Variants in TOM1L1 observed in about 807,000 individuals in gnomAD.
The protein encoded by TOM1L1 is target of myb1 like 1 membrane trafficking protein.
TOM1L1 carries 64 observed loss-of-function variants against 63.4 expected under a neutral mutation model. The ratio of observed to expected loss-of-function variants is 1.01; its 90% CI spans 0.83 to 1.24. The LOEUF (loss-of-function observed/expected upper bound fraction) is 1.24. Among genes scored for constraint, TOM1L1 ranks in the 50% most tolerant of loss-of-function variants. The pLI is 0.00. For synonymous variants in TOM1L1, 166 were observed against 194.4 expected (o/e 0.85, Z 1.22); for missense variants, 536 against 567.0 (o/e 0.95, Z 0.55).
At chr17:54,911,108 C>T (rs1014408636) in intron 3 of TOM1L1, among the ~76,000 whole-genome samples, 2 of 152,172 alleles carry the variant, frequency 1.3e-5, no homozygotes, top group African/African-American at 2.4e-5. Context: ...CTTTCTTAGT[C>T]AAGTTTCTGC....
At chr17:54,910,228 G>A (rs957294674) in intron 3 of TOM1L1, among the ~76,000 whole-genome samples, 2 of 152,170 alleles carry the variant, frequency 1.3e-5, no homozygotes, top group Non-Finnish European at 2.9e-5. Context: ...GGCCGGGGTG[G>A]ATGGATCACT....
chr17:54,952,214 A>T (rs1279046817), intron 14 of TOM1L1: 3 of 152,174 alleles, frequency 2.0e-5, no homozygotes, highest in Non-Finnish European at 4.4e-5. Flanking sequence ...GAAACCAAGT[A>T]ACACTTGGTA....
At chr17:54,931,561 A>T (rs939622418) in intron 8 of TOM1L1, among the ~76,000 whole-genome samples, 1 of 152,152 alleles carries the variant, frequency 6.6e-6, no homozygotes, top group Admixed American at 6.5e-5. Context: ...GCACCTTGGG[A>T]GGCTGAGGTG....
At chr17:54,960,512 A>G in intron 14 of TOM1L1, 54 bp from the exon 15 acceptor site, 1 of 1,464,458 alleles carries the variant, frequency 6.8e-7, no homozygotes, top group Non-Finnish European at 9.6e-7. Context: ...TAAAAACCAA[A>G]ATAGCACTTT....
intron 3 of TOM1L1, 107 bp from the exon 4 acceptor site, chr17:54,912,559 G>C: frequency 1.1e-6 from 1 of 925,468 alleles, no homozygotes. Flanking sequence ...AATTATGTTT[G>C]TTAATTAGGA....
Position 54,904,369 on chromosome 17 carries a change from CAA to C in TOM1L1, c.143+598_143+599del, listed in dbSNP as rs1165559722. Among the ~76,000 whole-genome samples the C allele has an allele frequency of 6.7e-3, 524 of 78,144 alleles. 1 individual carries two copies. The highest frequency in any genetic ancestry group is 0.017 in the African/African-American group (416 of 23,968). 51.3% of individuals were successfully genotyped at this position (78,144 alleles called of 152,430 possible). ...TGGGTAACAAAGCAAGACTCTATCT[CAA>C]AAAAAAAAAAAAAAAAAAAATTGAA... On this transcript the variant is annotated intron_variant, in intron 2 of 15. Transcript: ENST00000575882.
intron 3 of TOM1L1, chr17:54,906,801 T>C (rs1375698080): frequency 2.0e-6 from 2 of 985,386 alleles, no homozygotes; most frequent in Non-Finnish European, 2.4e-6. Context: ...GTTGTCCTTT[T>C]TACTTTAGTA....
rs781560600 is a variant in TOM1L1 at position 54,961,291 on chromosome 17, A to G, written c.*58A>G. ...CAAAGGTGCCAACTCTCTAAAACGT[A>G]GACTCTGTGCAGCTTTGAAGCCTGG... On this transcript the variant is annotated 3_prime_UTR_variant, in exon 16 of 16. Transcript: ENST00000575882. The G allele has an allele frequency of 1.2e-5, 19 of 1,551,424 alleles. No individual in the cohort carries two copies. The African/African-American group carries it at 2.2e-4, about 18-fold the overall frequency.
At chr17:54,953,393 G>GC in intron 14 of TOM1L1, 1 of 152,386 alleles carries the variant, frequency 6.6e-6, no homozygotes, top group Non-Finnish European at 1.5e-5. Context: ...CCAACTGGTT[G>GC]CCCCCCTTCT....
At chr17:54,960,534 A>G (rs1427837262) in intron 14 of TOM1L1, 32 bp from the exon 15 acceptor site, 2 of 1,587,846 alleles carry the variant, frequency 1.3e-6, no homozygotes, top group South Asian at 2.2e-5. Context: ...AAATTGATAC[A>G]TAACCCTTTT....
chr17:54,905,364 A>G, intron 2 of TOM1L1, 125 bp from the exon 3 acceptor site: 1 of 654,140 alleles, frequency 1.5e-6, no homozygotes, highest in Non-Finnish European at 2.7e-6. Context: ...GTCCCACAGT[A>G]GAACCAAGGC....
chr17:54,948,764 A>C (rs2053988902), intron 12 of TOM1L1, among the ~76,000 whole-genome samples: 1 of 152,226 alleles, frequency 6.6e-6, no homozygotes, highest in Admixed American at 6.5e-5. Flanking sequence ...ATATTTGTGG[A>C]GTGAATAAGG....
chr17:54,906,672 T>C (rs1002310949), intron 3 of TOM1L1: 3 of 720,272 alleles, frequency 4.2e-6, no homozygotes, highest in South Asian at 6.2e-5. Flanking sequence ...TGTTCTATGT[T>C]GGTTTAAGCA....
Position 54,958,748 on chromosome 17 carries a change from A to AAAAAGGG in TOM1L1, c.1371-1818_1371-1817insAAAAGGG, listed in dbSNP as rs372776781. ...TCCATCTCAAAAAAAAAAAAAAAAA[A>AAAAAGGG]GGGGTTGTTGGTAGCTAGAGGATAC... On this transcript the variant is annotated intron_variant, in intron 14 of 15. Coordinates refer to ENST00000575882, the MANE Select transcript of TOM1L1 (RefSeq NM_005486.3). Among the ~76,000 whole-genome samples the AAAAAGGG allele has an allele frequency of 1.5e-4, 18 of 118,952 alleles. 1 individual carries two copies. Among genetic ancestry groups the AAAAAGGG allele is most frequent in the South Asian group, 7.7e-4 (3 of 3,882 alleles). 78.0% of individuals were successfully genotyped at this position (118,952 alleles called of 152,430 possible). A position where few individuals can be genotyped will look rare whatever the true frequency, so the allele number is the denominator to read the frequency against.
intron 7 of TOM1L1, among the ~76,000 whole-genome samples, chr17:54,924,513 T>C (rs538767250): frequency 1.3e-5 from 2 of 152,176 alleles, no homozygotes; most frequent in Admixed American, 6.5e-5. Flanking sequence ...CTCTTTCTTA[T>C]CATTCTGATC....
At chr17:54,946,571 GA>G (rs2049122929) in intron 11 of TOM1L1, among the ~76,000 whole-genome samples, 1 of 152,156 alleles carries the variant, frequency 6.6e-6, no homozygotes, top group Non-Finnish European at 1.5e-5. Flanking sequence ...TGGGTTGTGA[GA>G]AAACAGAGAG....
intron 14 of TOM1L1, chr17:54,955,090 C>T (rs2111095): frequency 0.99 from 151,528 of 152,326 alleles, 75,367 homozygotes; most frequent in East Asian, 1. Context: ...TGCACACAGT[C>T]TGAGGGGCTT....
rs111842267 is a variant in TOM1L1, at chr17:54,936,588, G to T, written c.855-61G>T. 148 of 1,402,246 alleles carry T rather than the reference G, an allele frequency of 1.1e-4. 7 individuals carry two copies. In the African/African-American group the frequency reaches 1.3e-3, roughly 13 times the overall value. 86.9% of individuals were successfully genotyped at this position (1,402,246 alleles called of 1,614,324 possible). ...AATATTTGTGTATTAATAATTGTTAGATTTTTATAGCATTTTCATATATTT... is the reference window on the plus strand; with the variant it reads ...AATATTTGTGTATTAATAATTGTTATATTTTTATAGCATTTTCATATATTT... On this transcript the variant is annotated intron_variant, in intron 8 of 15. Coordinates refer to ENST00000575882, the MANE Select transcript of TOM1L1 (RefSeq NM_005486.3).
chr17:54,936,630 A>G lies in TOM1L1; in HGVS notation c.855-19A>G. 3 of 1,582,500 alleles carry G rather than the reference A, an allele frequency of 1.9e-6. No homozygotes were observed. Among genetic ancestry groups the G allele is most frequent in the African/African-American group, 1.4e-5 (1 of 72,978 alleles). ...CATATATTTTTTTAAAAACACATGC[A>G]TTTTGATCATTTAAACAGGTTTACT... On this transcript the variant is annotated intron_variant, in intron 8 of 15. Coordinates refer to ENST00000575882, the MANE Select transcript of TOM1L1 (RefSeq NM_005486.3).
Sources: allele counts gnomAD v4.1 joint callset (sites outside exome capture counted in the v4.1 genomes callset), GRCh38; gene constraint gnomAD v4.1.1; transcripts MANE v1.5; gene names NCBI Gene and HGNC (gene_info 2026-07-23, HGNC 2026-07-21).